Variants in MISFA observed in about 807,000 individuals in gnomAD.
MISFA encodes the protein mitochondrial sheath formation-associated protein.
chr11:18,605,575 T>C, the MISFA span, among the ~76,000 whole-genome samples: 5 of 152,296 alleles, frequency 3.3e-5, no homozygotes, highest in Admixed American at 1.3e-4. Context: ...AGCAAAACTT[T>C]AGTAATTTCT....
At chr11:18,601,860 C>G in the MISFA span, 4 of 246,516 alleles carry the variant, frequency 1.6e-5, no homozygotes, top group African/African-American at 8.9e-5. Flanking sequence ...GAAGTTTCTT[C>G]TGTACAACAG....
the MISFA span, among the ~76,000 whole-genome samples, chr11:18,604,678 C>T: frequency 6.6e-6 from 1 of 151,438 alleles, no homozygotes; most frequent in Non-Finnish European, 1.5e-5. Context: ...GGGTAAGAAA[C>T]TCATTTTTAA....
the MISFA span, among the ~76,000 whole-genome samples, chr11:18,600,565 G>GGCTGGAAT: frequency 2.0e-4 from 26 of 130,318 alleles, no homozygotes; most frequent in African/African-American, 4.4e-4. Context: ...CTGTCGCCCA[G>GGCTGGAAT]GCTGGAATGC....
chr11:18,609,470 C>T, the MISFA span: 2 of 188,654 alleles, frequency 1.1e-5, no homozygotes, highest in Middle Eastern at 2.4e-3. Flanking sequence ...CAGGGCAGTG[C>T]CCTACTCACA....
the MISFA span, chr11:18,609,741 A>G: frequency 1.3e-6 from 1 of 794,230 alleles, no homozygotes; most frequent in East Asian, 2.5e-5. Context: ...GACAGTATGC[A>G]TTCCTTCTCC....
chr11:18,600,512 CTTTTTTTT>C, the MISFA span, among the ~76,000 whole-genome samples: 1 of 54,050 alleles, frequency 1.9e-5, no homozygotes, highest in Admixed American at 2.7e-4. Flanking sequence ...TGGGGACATC[CTTTTTTTT>C]TTTTTTTTTT....
At chr11:18,607,060 A>C in the MISFA span, 2 of 234,874 alleles carry the variant, frequency 8.5e-6, no homozygotes, top group African/African-American at 4.8e-5. Context: ...GGGGTCTCAC[A>C]CCATGTTGGC....
the MISFA span, among the ~76,000 whole-genome samples, chr11:18,604,352 C>G: frequency 6.6e-6 from 1 of 151,954 alleles, no homozygotes; most frequent in Non-Finnish European, 1.5e-5. Flanking sequence ...GTCTCTAAGA[C>G]TGGCATTAAG....
chr11:18,601,732 C>G, the MISFA span: 3 of 389,894 alleles, frequency 7.7e-6, no homozygotes, highest in African/African-American at 6.2e-5. Context: ...TTTAACGTCC[C>G]TTTTGGCAGA....
chr11:18,600,033 C>G, the MISFA span: 1 of 398,704 alleles, frequency 2.5e-6, no homozygotes, highest in African/African-American at 2.1e-5. Context: ...CCCTGGTGGT[C>G]AGTCCTGTGC....
chr11:18,608,224 T>C, the MISFA span: 1 of 152,652 alleles, frequency 6.6e-6, no homozygotes, highest in Non-Finnish European at 1.5e-5. Flanking sequence ...ACACCTTTCA[T>C]GGGATTCAAC....
chr11:18,603,715 C>T, the MISFA span: 2 of 398,728 alleles, frequency 5.0e-6, no homozygotes, highest in South Asian at 1.3e-4. Flanking sequence ...ATGCCTAAGC[C>T]CCCACACTAG....
chr11:18,600,125 A>G, the MISFA span: 1 of 397,296 alleles, frequency 2.5e-6, no homozygotes, highest in African/African-American at 2.1e-5. Context: ...TCAGAATGTG[A>G]TGGGAACAAA....
At chr11:18,601,643 C>T in the MISFA span, 698 of 396,084 alleles carry the variant, frequency 1.8e-3, 12 homozygotes, top group East Asian at 0.017. Flanking sequence ...CTCCAGGCCT[C>T]AAGTGGTCCC....
the MISFA span, among the ~76,000 whole-genome samples, chr11:18,604,361 A>G: frequency 6.6e-6 from 1 of 152,038 alleles, no homozygotes; most frequent in African/African-American, 2.4e-5. Flanking sequence ...ACTGGCATTA[A>G]GATACCTAGT....
chr11:18,608,227 G>A, the MISFA span: 1 of 152,494 alleles, frequency 6.6e-6, no homozygotes, highest in African/African-American at 2.4e-5. Flanking sequence ...CCTTTCATGG[G>A]ATTCAACTTA....
chr11:18,604,080 C>G, the MISFA span, among the ~76,000 whole-genome samples: 1 of 151,744 alleles, frequency 6.6e-6, no homozygotes, highest in Non-Finnish European at 1.5e-5. Flanking sequence ...GCGCCTGCCA[C>G]CACGCCTGGC....
chr11:18,605,398 C>G, the MISFA span, among the ~76,000 whole-genome samples: 1 of 152,124 alleles, frequency 6.6e-6, no homozygotes, highest in East Asian at 1.9e-4. Flanking sequence ...ATGACTGATA[C>G]AGTTCCAGTA....
the MISFA span, chr11:18,603,315 T>G: frequency 2.5e-6 from 1 of 396,908 alleles, no homozygotes; most frequent in Non-Finnish European, 4.4e-6. Flanking sequence ...TTTATTATTT[T>G]TTTAAAGTTA....
Sources: gnomAD v4.1 joint callset for allele counts (sites outside exome capture counted in the v4.1 genomes callset) on GRCh38, gnomAD v4.1.1 for gene constraint, MANE v1.5 for transcripts, NCBI Gene and HGNC (gene_info 2026-07-23, HGNC 2026-07-21) for gene names.